Variants in CFAP299 observed in about 807,000 individuals in gnomAD.
The protein encoded by CFAP299 is cilia and flagella associated protein 299.
CFAP299 carries 21 observed loss-of-function variants against 27.0 expected under a neutral mutation model. That is an observed-to-expected ratio of 0.78 (90% confidence interval 0.55 to 1.12). The LOEUF (loss-of-function observed/expected upper bound fraction) is 1.12, where lower values mean the gene tolerates loss of function less well. Among genes scored for constraint, CFAP299 ranks in the 50% most tolerant of loss-of-function variants. The probability of loss-of-function intolerance (pLI) is 0.00; values close to 1 mark genes in which losing one functional copy is unlikely to be tolerated. For synonymous variants in CFAP299, 104 were observed against 98.1 expected (o/e 1.06, Z -0.36); for missense variants, 310 against 276.6 (o/e 1.12, Z -0.86).
intron 2 of CFAP299, among the ~76,000 whole-genome samples, chr4:80,447,120 T>TG (rs68075493): frequency 1.0e-4 from 2 of 20,094 alleles, no homozygotes; most frequent in Admixed American, 7.9e-4. Flanking sequence ...TTTTTATTTG[T>TG]TTTTTTTTTG....
At chr4:80,745,751 C>T (rs1724548110) in intron 3 of CFAP299, among the ~76,000 whole-genome samples, 2 of 151,996 alleles carry the variant, frequency 1.3e-5, no homozygotes, top group South Asian at 2.1e-4. Context: ...TTTCTCTTCC[C>T]GGATCCCATC....
Position 80,502,352 on chromosome 4 carries a change from A to G in CFAP299, c.243-80741A>G, listed in dbSNP as rs190746485. Among the ~76,000 whole-genome samples, 129 of 152,200 alleles carry G rather than the reference A, an allele frequency of 8.5e-4. 1 individual carries two copies. The highest frequency in any genetic ancestry group is 3.0e-3 in the African/African-American group (126 of 41,558). On this transcript the variant is annotated intron_variant, in intron 2 of 5. Transcript: ENST00000358105. ...GCCACCTTGCCCATCAGTTTACATTAATGCCATGAAGAGCAAGTCAATTTT... is the reference window on the plus strand; with the variant it reads ...GCCACCTTGCCCATCAGTTTACATTGATGCCATGAAGAGCAAGTCAATTTT...
intron 5 of CFAP299, among the ~76,000 whole-genome samples, chr4:80,952,881 C>T (rs1176623542): frequency 6.6e-6 from 1 of 152,110 alleles, no homozygotes; most frequent in Non-Finnish European, 1.5e-5. Context: ...CTCTTCATTT[C>T]CCTTGCCTCC....
At chr4:80,681,571 T>TGCCCAGGAACC (rs1182800803) in intron 3 of CFAP299, among the ~76,000 whole-genome samples, 28 of 152,282 alleles carry the variant, frequency 1.8e-4, no homozygotes, top group African/African-American at 6.5e-4. Context: ...ACCCACTTCT[T>TGCCCAGGAACC]TAGTTGCCCA....
chr4:80,624,279 T>C (rs924414428), intron 3 of CFAP299, among the ~76,000 whole-genome samples: 4 of 151,514 alleles, frequency 2.6e-5, no homozygotes, highest in African/African-American at 9.7e-5. Flanking sequence ...TTGACCAGAA[T>C]GATAATAATA....
intron 3 of CFAP299, among the ~76,000 whole-genome samples, chr4:80,721,089 A>G (rs1440832421): frequency 2.0e-5 from 3 of 152,190 alleles, no homozygotes; most frequent in Non-Finnish European, 4.4e-5. Flanking sequence ...AAGAAAATGT[A>G]TACAGTATAA....
chr4:80,462,311 A>G (rs951230024), intron 2 of CFAP299, among the ~76,000 whole-genome samples: 1 of 152,086 alleles, frequency 6.6e-6, no homozygotes, highest in Non-Finnish European at 1.5e-5. Flanking sequence ...CTCCTGCTGT[A>G]TTTATCTTCC....
chr4:80,954,871 G>C (rs181860262), intron 5 of CFAP299, among the ~76,000 whole-genome samples: 3 of 151,676 alleles, frequency 2.0e-5, no homozygotes, highest in Non-Finnish European at 4.4e-5. Flanking sequence ...ATGGTGGCAG[G>C]CACCTGCAGT....
intron 3 of CFAP299, among the ~76,000 whole-genome samples, chr4:80,829,445 G>A (rs1043062427): frequency 1.3e-5 from 2 of 152,032 alleles, no homozygotes; most frequent in African/African-American, 4.8e-5. Context: ...TGAGGATGTG[G>A]AGAAATTGGA....
intron 3 of CFAP299, among the ~76,000 whole-genome samples, chr4:80,860,233 A>C (rs1732231907): frequency 6.6e-6 from 1 of 152,002 alleles, no homozygotes; most frequent in South Asian, 2.1e-4. Flanking sequence ...TTCTTCCCGT[A>C]GTTCTCGAGC....
rs538422631 is a variant in CFAP299 at position 80,579,641 on chromosome 4, G to A, written c.243-3452G>A. Among the ~76,000 whole-genome samples, 89 of 152,170 alleles carry A rather than the reference G, an allele frequency of 5.8e-4. 1 individual carries two copies. Among genetic ancestry groups the A allele is most frequent in the African/African-American group, 2.0e-3 (82 of 41,528 alleles). On this transcript the variant is annotated intron_variant, in intron 2 of 5. Transcript: ENST00000358105. ...TTTTTCTGGCATTTTGTATCTGATA[G>A]ATCAGGGATAATTTTGATTTTCTTT... is the stretch of plus-strand genomic sequence containing the variant.
At chr4:80,411,311 A>C (rs1484525857) in intron 2 of CFAP299, among the ~76,000 whole-genome samples, 1 of 152,164 alleles carries the variant, frequency 6.6e-6, no homozygotes, top group African/African-American at 2.4e-5. Flanking sequence ...CTGGCACTTA[A>C]TTCATTAATT....
chr4:80,417,705 TG>T (rs1727083225), intron 2 of CFAP299, among the ~76,000 whole-genome samples: 1 of 152,210 alleles, frequency 6.6e-6, no homozygotes, highest in South Asian at 2.1e-4. Flanking sequence ...CATTGTGATT[TG>T]GGTAGGTTTT....
intron 4 of CFAP299, among the ~76,000 whole-genome samples, chr4:80,939,331 A>G (rs1737077936): frequency 6.6e-6 from 1 of 152,142 alleles, no homozygotes; most frequent in Admixed American, 6.6e-5. Flanking sequence ...ATGGCATCCT[A>G]TAAGCAATGC....
upstream of CFAP299, among the ~76,000 whole-genome samples, chr4:80,333,971 A>G (rs1187212630): frequency 6.6e-6 from 1 of 152,212 alleles, no homozygotes; most frequent in East Asian, 1.9e-4. Context: ...GAAAAGGACA[A>G]TTGAGTTATA....
chr4:80,457,002 C>T (rs1317389136), intron 2 of CFAP299, among the ~76,000 whole-genome samples: 12 of 145,920 alleles, frequency 8.2e-5, no homozygotes, highest in Non-Finnish European at 1.3e-4. Context: ...TTTTTTAACG[C>T]AGATGTTTTT....
chr4:80,812,005 TGAAACAG>T (rs1729179092), intron 3 of CFAP299, among the ~76,000 whole-genome samples: 1 of 152,090 alleles, frequency 6.6e-6, no homozygotes, highest in Non-Finnish European at 1.5e-5. Context: ...AATGGTCACG[TGAAACAG>T]GACTACAATA....
intron 1 of CFAP299, among the ~76,000 whole-genome samples, chr4:80,350,817 C>A (rs1217711800): frequency 6.6e-6 from 1 of 151,796 alleles, no homozygotes; most frequent in African/African-American, 2.4e-5. Flanking sequence ...AGCATTAGGA[C>A]AAATGGCTAA....
chr4:80,785,920 A>AT (rs1553959711), intron 3 of CFAP299, among the ~76,000 whole-genome samples: 1 of 152,132 alleles, frequency 6.6e-6, no homozygotes, highest in East Asian at 1.9e-4. Flanking sequence ...AATAATTAAT[A>AT]TTTTTTGAGG....
Sources: gnomAD v4.1 joint callset for allele counts (sites outside exome capture counted in the v4.1 genomes callset) on GRCh38, gnomAD v4.1.1 for gene constraint, MANE v1.5 for transcripts, NCBI Gene and HGNC (gene_info 2026-07-23, HGNC 2026-07-21) for gene names.